The following FAM78A variants were observed in gnomAD, a reference collection of about 807,000 sequenced individuals.
FAM78A encodes family with sequence similarity 78 member A.
FAM78A carries 12 observed loss-of-function variants against 22.6 expected under a neutral mutation model. The ratio of observed to expected loss-of-function variants is 0.53; its 90% CI spans 0.34 to 0.86. The LOEUF (loss-of-function observed/expected upper bound fraction) is 0.86, where lower values mean the gene tolerates loss of function less well. Among genes scored for constraint, FAM78A ranks in the 40% least tolerant of loss-of-function variants. FAM78A has a pLI of 0.02. For missense variants in FAM78A, 322 were observed against 396.1 expected (o/e 0.81, Z 1.59); for synonymous variants, 151 against 155.8 (o/e 0.97, Z 0.23).
In FAM78A at chr9:131,272,553, C is replaced by T. The variant is rs1835433479; in HGVS notation, c.323+3304G>A. Among the ~76,000 whole-genome samples, 1 of 152,232 alleles carries T rather than the reference C, an allele frequency of 6.6e-6. No homozygotes were observed. Among genetic ancestry groups the T allele is most frequent in the Non-Finnish European group, 1.5e-5 (1 of 68,040 alleles). On this transcript the variant is annotated intron_variant, in intron 1 of 1. Coordinates refer to ENST00000372271, the MANE Select transcript of FAM78A (RefSeq NM_033387.4). The surrounding 1 kb of genome is among the most constrained non-coding windows in gnomAD (Gnocchi z 4.1). The stretch of plus-strand genomic sequence containing the variant: ...TTGGGGTTTCTGGTCACCCCAACCA[C>T]TGTTCCCTTTCCTTTTCATGCCACA...
At chr9:131,268,044 T>C (rs1391463332) in intron 1 of FAM78A, among the ~76,000 whole-genome samples, 6 of 112,820 alleles carry the variant, frequency 5.3e-5, no homozygotes, top group Admixed American at 1.8e-4. Flanking sequence ...AGAGTGAGAC[T>C]CTGTCTCAAA....
rs934526510 is a variant in FAM78A at position 131,265,976 on chromosome 9, C to T, written c.324-4626G>A. Among the ~76,000 whole-genome samples, 2 of 152,184 alleles carry T rather than the reference C, an allele frequency of 1.3e-5. No individual in the cohort carries two copies. The highest frequency in any genetic ancestry group is 2.4e-5 in the African/African-American group (1 of 41,436). On this transcript the variant is annotated intron_variant, in intron 1 of 1. Coordinates refer to ENST00000372271, the MANE Select transcript of FAM78A (RefSeq NM_033387.4). This position sits in a 1 kb window ranked among gnomAD's most constrained non-coding sequence, Gnocchi z 4.3. ...CCCTGTCCTGAGTCCCATCATCACC[C>T]ACCCAACAAACATCTGCAGGGCACC...
upstream of FAM78A, among the ~76,000 whole-genome samples, chr9:131,280,196 G>A (rs148174322): frequency 3.0e-3 from 453 of 152,288 alleles, 9 homozygotes; most frequent in East Asian, 7.7e-4. Context: ...GGTGTGAATG[G>A]GCTCGGCTCC....
rs1180808573 is a variant in FAM78A, at chr9:131,265,835, C to A, written c.324-4485G>T. ...CTGTGGGCAGAGGCAGGCAGAGCCA[C>A]CTGTCACACTCCCATCCTCCTAGGG... is the stretch of plus-strand genomic sequence containing the variant. On this transcript the variant is annotated intron_variant, in intron 1 of 1. Transcript: ENST00000372271. This position sits in a 1 kb window ranked among gnomAD's most constrained non-coding sequence, Gnocchi z 4.3. 6.6e-6 allele frequency among the ~76,000 whole-genome samples: 1 copy of A among 152,174 alleles called. No individual in the cohort carries two copies. The highest frequency in any genetic ancestry group is 2.1e-4 in the South Asian group (1 of 4,832).
chr9:131,265,676 G>A lies in FAM78A; in HGVS notation c.324-4326C>T, dbSNP rs960065009. Among the ~76,000 whole-genome samples, 8 of 152,156 alleles carry A rather than the reference G, an allele frequency of 5.3e-5. No homozygotes were observed. Among genetic ancestry groups the A allele is most frequent in the East Asian group, 1.9e-4 (1 of 5,190 alleles). On this transcript the variant is annotated intron_variant, in intron 1 of 1. Coordinates refer to ENST00000372271, the MANE Select transcript of FAM78A (RefSeq NM_033387.4). The surrounding 1 kb of genome is among the most constrained non-coding windows in gnomAD (Gnocchi z 4.3). ...GCTGGGATTACAGGCGTGAGCCACC[G>A]CACCTGGCTGTAAACAACCTGAGAT...
At chr9:131,264,727 T>TTTC in intron 1 of FAM78A, 1 of 213,834 alleles carries the variant, frequency 4.7e-6, no homozygotes. Context: ...TTTTCTGACC[T>TTTC]TTTTTTTTTT....
At chr9:131,270,636 G>C (rs76814424) in intron 1 of FAM78A, 1 of 631,494 alleles carries the variant, frequency 1.6e-6, no homozygotes, top group Admixed American at 2.2e-5. Context: ...CCTTGCCTCC[G>C]CCAGGGCCCA....
At chr9:131,264,303 C>A in intron 1 of FAM78A, 1 of 415,328 alleles carries the variant, frequency 2.4e-6, no homozygotes, top group Non-Finnish European at 4.3e-6. Flanking sequence ...GGCCCTGGCT[C>A]AGGCAAAGAC....
rs141355939 is a variant in FAM78A at position 131,274,064 on chromosome 9, C to T, written c.323+1793G>A. 6.6e-6 allele frequency among the ~76,000 whole-genome samples: 1 copy of T among 152,232 alleles called. No individual in the cohort carries two copies. The highest frequency in any genetic ancestry group is 1.5e-5 in the Non-Finnish European group (1 of 68,048). On this transcript the variant is annotated intron_variant, in intron 1 of 1. Coordinates refer to ENST00000372271, the MANE Select transcript of FAM78A (RefSeq NM_033387.4). The surrounding 1 kb of genome is among the most constrained non-coding windows in gnomAD (Gnocchi z 4.2). ...CTCAGGCCTAGCTCCAGCCACATCACCCACACCTACTCAGGGTCACCAGAT... is the reference window on the plus strand; with the variant it reads ...CTCAGGCCTAGCTCCAGCCACATCATCCACACCTACTCAGGGTCACCAGAT...
intron 1 of FAM78A, chr9:131,262,750 T>A (rs1835290353): frequency 6.6e-6 from 1 of 152,034 alleles, no homozygotes; most frequent in South Asian, 2.1e-4. Flanking sequence ...ACAACACAGA[T>A]CAACCTTGAG....
At chr9:131,264,771 T>C in intron 1 of FAM78A, 1 of 593,672 alleles carries the variant, frequency 1.7e-6, no homozygotes, top group Non-Finnish European at 3.0e-6. Context: ...TCACTCAGGC[T>C]GGAGTGCAGT....
Position 131,275,982 on chromosome 9 carries a change from T to G in FAM78A, c.198A>C (p.Thr66=). 9 of 1,613,502 alleles carry G rather than the reference T, an allele frequency of 5.6e-6. No homozygotes were observed. The highest frequency in any genetic ancestry group is 7.6e-6 in the Non-Finnish European group (9 of 1,180,014). Residue 66 remains threonine (T), a synonymous_variant, in exon 1 of 2, where the codon ACA becomes ACC. Transcript: ENST00000372271. This position sits in a 1 kb window ranked among gnomAD's most constrained non-coding sequence, Gnocchi z 4.6. ...CCTGGGCCGAGGCCCGGAAGTGGGG[T>G]GTCCGGTAGCGGAGCACCACGCTGG... ...ESSSVVLRYR[T]PHFRASAQVV...
intron 1 of FAM78A, among the ~76,000 whole-genome samples, chr9:131,267,471 CT>C (rs1272018559): frequency 2.0e-5 from 3 of 152,132 alleles, no homozygotes; most frequent in Non-Finnish European, 2.9e-5. Context: ...GAGGTCAAGG[CT>C]GCAGTGAGCT....
chr9:131,277,429 C>A (rs1183335952), upstream of FAM78A, among the ~76,000 whole-genome samples: 1 of 151,922 alleles, frequency 6.6e-6, no homozygotes, highest in Non-Finnish European at 1.5e-5. The surrounding 1 kb of genome is among the most constrained non-coding windows in gnomAD (Gnocchi z 8.4). Context: ...CCGCGTCAAG[C>A]GCCTCTGTCG....
chr9:131,277,995 G>A (rs971741709), upstream of FAM78A, among the ~76,000 whole-genome samples: 4 of 145,840 alleles, frequency 2.7e-5, no homozygotes, highest in Admixed American at 6.8e-5. The surrounding 1 kb of genome is among the most constrained non-coding windows in gnomAD (Gnocchi z 8.4). Flanking sequence ...GCCGGCGCAC[G>A]CAGGGACCGC....
chr9:131,268,489 G>A (rs1269295822), intron 1 of FAM78A, among the ~76,000 whole-genome samples: 2 of 152,166 alleles, frequency 1.3e-5, no homozygotes, highest in African/African-American at 2.4e-5. Flanking sequence ...CATTCCTTCT[G>A]GGACCCAGAC....
intron 1 of FAM78A, among the ~76,000 whole-genome samples, chr9:131,266,305 A>G (rs1291235967): frequency 6.6e-6 from 1 of 152,274 alleles, no homozygotes; most frequent in East Asian, 1.9e-4. Flanking sequence ...AACCGACGCA[A>G]TTGAAGCCTA....
At chr9:131,277,694 C>T (rs1244569633), upstream of FAM78A, among the ~76,000 whole-genome samples, 2 of 151,514 alleles carry the variant, frequency 1.3e-5, no homozygotes, top group African/African-American at 2.4e-5. The surrounding 1 kb of genome is among the most constrained non-coding windows in gnomAD (Gnocchi z 8.4). Context: ...CGTGGGCGCC[C>T]CCGGCCCCCA....
chr9:131,278,668 C>G (rs1205239664), upstream of FAM78A, among the ~76,000 whole-genome samples: 2 of 152,252 alleles, frequency 1.3e-5, no homozygotes, highest in African/African-American at 4.8e-5. Flanking sequence ...GCAGGGGTCC[C>G]AGTGCAGGGG....
Sources: gnomAD v4.1 joint callset for allele counts (sites outside exome capture counted in the v4.1 genomes callset) on GRCh38, gnomAD v4.1.1 for gene constraint, Gnocchi (gnomAD v3.1) non-coding constraint, MANE v1.5 for transcripts, NCBI Gene and HGNC (gene_info 2026-07-23, HGNC 2026-07-21) for gene names.